The following ERBB4 variants were observed in gnomAD, a reference collection of about 807,000 sequenced individuals.
The protein encoded by ERBB4 is erb-b2 receptor tyrosine kinase 4.
A neutral mutation model predicts 158.0 loss-of-function variants in ERBB4; 42 were observed. That is an observed-to-expected ratio of 0.27 (90% CI 0.21 to 0.34). The LOEUF (loss-of-function observed/expected upper bound fraction) is 0.34. Among genes scored for constraint, ERBB4 ranks in the 10% least tolerant of loss-of-function variants. The pLI is 1.00. For synonymous variants in ERBB4, 583 were observed against 558.7 expected, an observed-to-expected ratio of 1.04 and a Z score of -0.61; for missense variants, 1,333 against 1,624.1, an observed-to-expected ratio of 0.82 and a Z score of 3.08.
chr2:211,713,757 G>A (rs749701792), intron 7 of ERBB4, 109 bp from the exon 8 acceptor site: 11 of 701,488 alleles, frequency 1.6e-5, no homozygotes, highest in Non-Finnish European at 2.8e-5. Context: ...CATTGATAGT[G>A]TTTATGTATC....
chr2:211,565,445 G>A (rs769760890), intron 19 of ERBB4, among the ~76,000 whole-genome samples: 34 of 152,246 alleles, frequency 2.2e-4, no homozygotes, highest in African/African-American at 8.2e-4. Flanking sequence ...TAAATGTATG[G>A]AGTTAAGTAA....
intron 9 of ERBB4, among the ~76,000 whole-genome samples, chr2:211,707,088 T>C (rs6725121): frequency 0.51 from 77,738 of 151,994 alleles, 21,060 homozygotes; most frequent in Non-Finnish European, 0.6. Flanking sequence ...ATCAAATATC[T>C]TGGCTTTATT....
At chr2:211,751,950 C>T (rs1476738552) in intron 4 of ERBB4, among the ~76,000 whole-genome samples, 15 of 152,098 alleles carry the variant, frequency 9.9e-5, no homozygotes, top group Admixed American at 8.5e-4. Context: ...CTTAAAAGTA[C>T]GGGGATCTTT....
At chr2:211,839,551 C>G (rs1038785262) in intron 3 of ERBB4, among the ~76,000 whole-genome samples, 5 of 151,992 alleles carry the variant, frequency 3.3e-5, no homozygotes, top group African/African-American at 1.2e-4. Flanking sequence ...TAGATCCATA[C>G]CACAAGAAGA....
At chr2:211,833,409 C>T (rs1046652807) in intron 3 of ERBB4, among the ~76,000 whole-genome samples, 1 of 152,000 alleles carries the variant, frequency 6.6e-6, no homozygotes, top group South Asian at 2.1e-4. Flanking sequence ...GTAGAGGAAA[C>T]CCTTCCCAGA....
At chr2:211,797,958 C>A (rs538406653) in intron 3 of ERBB4, among the ~76,000 whole-genome samples, 56 of 152,018 alleles carry the variant, frequency 3.7e-4, no homozygotes, top group African/African-American at 1.3e-3. Flanking sequence ...AAAGAAATGG[C>A]TTTTTAGATT....
chr2:212,240,164 A>G (rs1003719396), intron 1 of ERBB4, among the ~76,000 whole-genome samples: 6 of 152,196 alleles, frequency 3.9e-5, no homozygotes, highest in African/African-American at 1.2e-4. Context: ...TAAAAAGACC[A>G]TGAATGTTTG....
intron 19 of ERBB4, among the ~76,000 whole-genome samples, chr2:211,584,456 TC>T (rs1366401673): frequency 3.3e-5 from 5 of 152,060 alleles, no homozygotes; most frequent in Non-Finnish European, 7.4e-5. Flanking sequence ...CATTTTTCAA[TC>T]CAGATGTATA....
chr2:212,503,877 A>G (rs983046181), intron 1 of ERBB4, among the ~76,000 whole-genome samples: 8 of 145,260 alleles, frequency 5.5e-5, no homozygotes, highest in Non-Finnish European at 1.2e-4. Flanking sequence ...AAACAAAAAG[A>G]GAAAAAAAAA....
At chr2:212,300,856 A>G (rs912515671) in intron 1 of ERBB4, among the ~76,000 whole-genome samples, 1 of 151,514 alleles carries the variant, frequency 6.6e-6, no homozygotes, top group African/African-American at 2.4e-5. Flanking sequence ...TCACTCAGAC[A>G]TTATAAAGAT....
At chr2:211,515,298 G>T (rs1310526482) in intron 20 of ERBB4, among the ~76,000 whole-genome samples, 2 of 152,188 alleles carry the variant, frequency 1.3e-5, no homozygotes, top group Non-Finnish European at 1.5e-5. Flanking sequence ...TGAAGGGTGT[G>T]ACACAGAAGT....
intron 18 of ERBB4, 31 bp downstream of exon 18, chr2:211,623,891 T>A: frequency 6.2e-7 from 1 of 1,612,154 alleles, no homozygotes; most frequent in Middle Eastern, 1.7e-4. Context: ...AAACAAAACT[T>A]AACTAACGAT....
At chr2:211,744,881 T>C (rs1174003861) in intron 5 of ERBB4, among the ~76,000 whole-genome samples, 2 of 152,360 alleles carry the variant, frequency 1.3e-5, no homozygotes, top group East Asian at 3.9e-4. Flanking sequence ...AGGAAATATT[T>C]GGTAAATCAT....
At chr2:211,485,613 T>C (rs561354233) in intron 20 of ERBB4, among the ~76,000 whole-genome samples, 28 of 151,694 alleles carry the variant, frequency 1.8e-4, no homozygotes, top group African/African-American at 6.5e-4. Context: ...CATTATCTTA[T>C]ATGTATGTCT....
intron 20 of ERBB4, among the ~76,000 whole-genome samples, chr2:211,469,037 G>C (rs929612234): frequency 6.6e-6 from 1 of 151,986 alleles, no homozygotes; most frequent in Non-Finnish European, 1.5e-5. Context: ...CTGAGGCTGC[G>C]TGCAGAAGTC....
chr2:212,057,637 T>A (rs1236263620), intron 2 of ERBB4, among the ~76,000 whole-genome samples: 1 of 152,148 alleles, frequency 6.6e-6, no homozygotes, highest in African/African-American at 2.4e-5. Context: ...CCCTCAAAAC[T>A]GCTCAACTAC....
At chr2:211,902,976 A>G (rs192933221) in intron 3 of ERBB4, among the ~76,000 whole-genome samples, 2 of 152,150 alleles carry the variant, frequency 1.3e-5, no homozygotes, top group East Asian at 3.9e-4. Context: ...CTCAATCTAT[A>G]TGCCATTGTT....
chr2:211,990,792 A>C (rs541625310), intron 2 of ERBB4, among the ~76,000 whole-genome samples: 2 of 151,936 alleles, frequency 1.3e-5, no homozygotes, highest in Non-Finnish European at 2.9e-5. Flanking sequence ...ACAAAACGTA[A>C]GAAGTAACTA....
intron 3 of ERBB4, among the ~76,000 whole-genome samples, chr2:211,870,989 A>G (rs972265201): frequency 5.9e-5 from 9 of 152,240 alleles, no homozygotes; most frequent in African/African-American, 1.9e-4. Flanking sequence ...TAGAAATTCT[A>G]AAAGTCAAGC....
Sources: gnomAD v4.1 joint callset for allele counts (sites outside exome capture counted in the v4.1 genomes callset) on GRCh38, gnomAD v4.1.1 for gene constraint, MANE v1.5 for transcripts, NCBI Gene and HGNC (gene_info 2026-07-23, HGNC 2026-07-21) for gene names.